The following LOC128092253 variants were observed in gnomAD, a reference collection of about 807,000 sequenced individuals.
chr6:133,959,199 C>G, the LOC128092253 span, among the ~76,000 whole-genome samples: 1 of 152,074 alleles, frequency 6.6e-6, no homozygotes, highest in African/African-American at 2.4e-5. Context: ...GCCACCACGC[C>G]TAGCTAATTT....
At chr6:133,977,780 G>A in the LOC128092253 span, among the ~76,000 whole-genome samples, 1 of 147,146 alleles carries the variant, frequency 6.8e-6, no homozygotes, top group Non-Finnish European at 1.5e-5. Context: ...CAGCGTCAGG[G>A]GCCAGGCTGC....
At chr6:133,963,883 A>C in the LOC128092253 span, among the ~76,000 whole-genome samples, 1 of 151,518 alleles carries the variant, frequency 6.6e-6, no homozygotes, top group African/African-American at 2.4e-5. Flanking sequence ...ACAAAAAAAA[A>C]AAAAAAAATT....
chr6:133,965,469 T>C, the LOC128092253 span, among the ~76,000 whole-genome samples: 1 of 152,154 alleles, frequency 6.6e-6, no homozygotes, highest in Non-Finnish European at 1.5e-5. Flanking sequence ...TTTCGTAACA[T>C]GTAGTAGATT....
chr6:133,956,533 A>C, the LOC128092253 span, among the ~76,000 whole-genome samples: 3 of 151,314 alleles, frequency 2.0e-5, no homozygotes, highest in Non-Finnish European at 4.4e-5. Flanking sequence ...CTAAACTAGA[A>C]GTTTCTTGAG....
At chr6:133,966,535 G>A in the LOC128092253 span, among the ~76,000 whole-genome samples, 1,258 of 152,188 alleles carry the variant, frequency 8.3e-3, 35 homozygotes, top group Admixed American at 0.061. Flanking sequence ...CTGAGCAATG[G>A]ACTTTTAGCT....
At chr6:133,957,889 T>A in the LOC128092253 span, among the ~76,000 whole-genome samples, 6 of 152,232 alleles carry the variant, frequency 3.9e-5, no homozygotes, top group Admixed American at 2.0e-4. Context: ...GCACTGGATA[T>A]TATTTTAAAG....
chr6:133,968,161 G>A, the LOC128092253 span, among the ~76,000 whole-genome samples: 1 of 151,956 alleles, frequency 6.6e-6, no homozygotes, highest in Admixed American at 6.6e-5. Context: ...GCTAATTTTT[G>A]TATTTTTAGT....
chr6:133,960,916 T>A, the LOC128092253 span, among the ~76,000 whole-genome samples: 4 of 152,246 alleles, frequency 2.6e-5, no homozygotes, highest in Non-Finnish European at 5.9e-5. Context: ...AGGTGTGTTT[T>A]AATTAAAATA....
At chr6:133,969,963 GA>G in the LOC128092253 span, among the ~76,000 whole-genome samples, 1 of 152,120 alleles carries the variant, frequency 6.6e-6, no homozygotes, top group Non-Finnish European at 1.5e-5. Flanking sequence ...AATTAGATGG[GA>G]ATCTTAAAAA....
chr6:133,956,276 C>T, the LOC128092253 span, among the ~76,000 whole-genome samples: 3 of 152,112 alleles, frequency 2.0e-5, no homozygotes, highest in Admixed American at 6.5e-5. Context: ...TTGTGACATT[C>T]GAACTAATAA....
chr6:133,971,099 C>A, the LOC128092253 span, among the ~76,000 whole-genome samples: 15 of 152,200 alleles, frequency 9.9e-5, no homozygotes, highest in Admixed American at 2.6e-4. Context: ...TCATCCTCTT[C>A]TCCTCAGTCT....
chr6:133,953,340 C>T, the LOC128092253 span: 3 of 152,926 alleles, frequency 2.0e-5, no homozygotes, highest in Non-Finnish European at 4.4e-5. Context: ...CATCCTCATC[C>T]TTGTCCTCCA....
the LOC128092253 span, among the ~76,000 whole-genome samples, chr6:133,959,543 G>A: frequency 2.4e-4 from 37 of 151,858 alleles, no homozygotes; most frequent in Admixed American, 2.3e-3. Flanking sequence ...GTGCAGTGGC[G>A]CGATCTCGGC....
At chr6:133,963,996 G>A in the LOC128092253 span, among the ~76,000 whole-genome samples, 5 of 152,066 alleles carry the variant, frequency 3.3e-5, no homozygotes, top group Non-Finnish European at 7.4e-5. Flanking sequence ...AGCCGAGATC[G>A]TGACACTGCA....
chr6:133,964,455 GT>G, the LOC128092253 span, among the ~76,000 whole-genome samples: 1,212 of 140,908 alleles, frequency 8.6e-3, 27 homozygotes, highest in Admixed American at 0.061. Context: ...GGTTTTTTGG[GT>G]TTTTTTTTTT....
chr6:133,979,510 T>G, the LOC128092253 span, among the ~76,000 whole-genome samples: 3 of 152,198 alleles, frequency 2.0e-5, no homozygotes, highest in Non-Finnish European at 4.4e-5. Flanking sequence ...TAGCAGGAGA[T>G]AAGTCTGGCA....
chr6:133,974,498 T>C, the LOC128092253 span, among the ~76,000 whole-genome samples: 6 of 152,210 alleles, frequency 3.9e-5, no homozygotes, highest in Admixed American at 3.3e-4. Context: ...CACGCCCGGC[T>C]GATTTTTGTA....
chr6:133,957,413 G>A, the LOC128092253 span, among the ~76,000 whole-genome samples: 5 of 152,220 alleles, frequency 3.3e-5, no homozygotes, highest in African/African-American at 1.2e-4. Flanking sequence ...AGACATCTGT[G>A]TGTAGACATT....
the LOC128092253 span, among the ~76,000 whole-genome samples, chr6:133,976,770 C>T: frequency 2.2e-4 from 33 of 151,958 alleles, no homozygotes; most frequent in Admixed American, 1.4e-3. Flanking sequence ...CAGTGGCTCA[C>T]GAAGTCAAGA....
Sources: allele counts gnomAD v4.1 joint callset (sites outside exome capture counted in the v4.1 genomes callset), GRCh38; gene constraint gnomAD v4.1.1; transcripts MANE v1.5.